Variants in SULT1A2 observed in about 807,000 individuals in gnomAD.
The protein encoded by SULT1A2 is sulfotransferase family 1A member 2.
In SULT1A2, 33 loss-of-function variants were observed where a neutral mutation model predicts 36.0. The observed-to-expected ratio is 0.92, with a 90% CI of 0.69 to 1.22. SULT1A2 has a LOEUF of 1.22. SULT1A2 is among the 50% of genes most tolerant of loss of function. SULT1A2 has a pLI of 0.00. For synonymous variants in SULT1A2, 138 were observed against 144.5 expected, an observed-to-expected ratio of 0.96 and a Z score of 0.32; for missense variants, 367 against 383.2, an observed-to-expected ratio of 0.96 and a Z score of 0.35.
chr16:28,592,956 A>G (rs1385315043), intron 6 of SULT1A2, among the ~76,000 whole-genome samples: 3 of 152,072 alleles, frequency 2.0e-5, no homozygotes, highest in Non-Finnish European at 4.4e-5. Context: ...GGTTACACTG[A>G]GCTGAGATCA....
chr16:28,594,802 CAG>C (rs1273918081), intron 4 of SULT1A2, among the ~76,000 whole-genome samples: 3 of 61,586 alleles, frequency 4.9e-5, no homozygotes, highest in Non-Finnish European at 9.1e-5. Flanking sequence ...TTTTTTGAGA[CAG>C]AGTTTTGCTC....
chr16:28,594,733 G>A (rs2047038237), intron 4 of SULT1A2, among the ~76,000 whole-genome samples: 1 of 146,040 alleles, frequency 6.8e-6, no homozygotes, highest in Non-Finnish European at 1.5e-5. Context: ...TATTACAGGC[G>A]TGAGCCACAA....
rs754117609 is a variant in SULT1A2, at chr16:28,593,299, T to C, written c.547A>G (p.Ser183Gly). ...YQHVQEWWELSRTHPVLYLFY... is the reference protein window; with the variant it reads ...YQHVQEWWELGRTHPVLYLFY... ...AGGTAGAGAACAGGGTGGGTGCGGC[T>C]CAGCTCCCACCACTCTTGCACGTGC... The change falls in exon 6 of 8, where the codon AGC (serine) becomes GGC (glycine). Residue 183 changes from serine to glycine, a missense_variant. Coordinates refer to ENST00000335715, the MANE Select transcript of SULT1A2 (RefSeq NM_001054.4). 6.2e-7 allele frequency: 1 copy of C among 1,614,100 alleles called. No individual in the cohort carries two copies. Among genetic ancestry groups the C allele is most frequent in the South Asian group, 1.1e-5 (1 of 91,080 alleles).
intron 4 of SULT1A2, among the ~76,000 whole-genome samples, chr16:28,594,937 T>C (rs900126501): frequency 4.0e-5 from 6 of 151,096 alleles, no homozygotes; most frequent in East Asian, 1.9e-4. Flanking sequence ...CCTGCCACCA[T>C]GCCCGGCTAA....
At chr16:28,596,053 C>T in intron 1 of SULT1A2, 119 bp from the exon 2 acceptor site, 1 of 1,570,524 alleles carries the variant, frequency 6.4e-7, no homozygotes, top group Non-Finnish European at 8.6e-7. Flanking sequence ...CTTGCCCGCA[C>T]TCACAAGGCC....
intron 4 of SULT1A2, among the ~76,000 whole-genome samples, chr16:28,593,994 TC>T (rs1369243591): frequency 6.6e-6 from 1 of 151,328 alleles, no homozygotes; most frequent in Non-Finnish European, 1.5e-5. Context: ...GAGGCGACTC[TC>T]CCAGAAGAAC....
intron 4 of SULT1A2, 36 bp from the exon 5 acceptor site, chr16:28,593,604 C>T (rs2047024303): frequency 2.5e-6 from 4 of 1,612,726 alleles, no homozygotes; most frequent in African/African-American, 1.3e-5. Flanking sequence ...AGCACCATCA[C>T]CACACAGCCT....
At position 28,595,765 on chromosome 16, in the gene SULT1A2, G is replaced by T. The variant is rs373792875; in HGVS notation, c.148+18C>A. 16 of 1,612,388 alleles carry T rather than the reference G, an allele frequency of 9.9e-6. No individual in the cohort carries two copies. Among genetic ancestry groups the T allele is most frequent in the Non-Finnish European group, 1.2e-5 (14 of 1,178,904 alleles). Reference sequence around the variant, plus strand: ...GGGACTGCCACCTGGGAGAGGGTGGGTGGCCCTCCTCACCTACCGGACTTG... The same window carrying T: ...GGGACTGCCACCTGGGAGAGGGTGGTTGGCCCTCCTCACCTACCGGACTTG... On this transcript the variant is annotated intron_variant, in intron 2 of 7. Coordinates refer to ENST00000335715, the MANE Select transcript of SULT1A2 (RefSeq NM_001054.4).
chr16:28,594,722 G>T (rs1567296489), intron 4 of SULT1A2, among the ~76,000 whole-genome samples: 1 of 143,416 alleles, frequency 7.0e-6, no homozygotes, highest in Non-Finnish European at 1.5e-5. Flanking sequence ...GAAAGTGCTG[G>T]TATTACAGGC....
Position 28,597,026 on chromosome 16 carries a change from C to T in SULT1A2, c.-34G>A. On this transcript the variant is annotated 5_prime_UTR_variant, in exon 1 of 8. Transcript: ENST00000335715. Reference sequence around the variant, plus strand: ...GCTCTTGGGAACCTGGCCTTGTGCCCTCCTCGCCCGCAGTGGCTGAGTGTG... The same window carrying T: ...GCTCTTGGGAACCTGGCCTTGTGCCTTCCTCGCCCGCAGTGGCTGAGTGTG... 7.8e-6 allele frequency: 10 copies of T among 1,282,912 alleles called. No homozygotes were observed. The highest frequency in any genetic ancestry group is 1.0e-5 in the Non-Finnish European group (10 of 983,196). The allele number at this position is 1,282,912 out of a possible 1,614,324, so 79.5% of individuals were successfully genotyped here.
chr16:28,596,426 GC>G (rs2047060833), intron 1 of SULT1A2: 3 of 928,720 alleles, frequency 3.2e-6, no homozygotes, highest in Admixed American at 9.4e-5. Flanking sequence ...TCCTAGGCTG[GC>G]CAGGCCTGTG....
intron 1 of SULT1A2, 62 bp downstream of exon 1, chr16:28,596,935 A>C: frequency 8.9e-7 from 1 of 1,127,608 alleles, no homozygotes; most frequent in Non-Finnish European, 1.1e-6. Flanking sequence ...GGCTTCTGGA[A>C]TGTTGGAGCC....
intron 1 of SULT1A2, 29 bp downstream of exon 1, chr16:28,596,968 G>A (rs1031355566): frequency 1.4e-5 from 18 of 1,243,262 alleles, no homozygotes; most frequent in Admixed American, 7.4e-5. Context: ...GGGTGAGGGC[G>A]TCCTGGGCCA....
At chr16:28,596,672 T>C (rs1345911051) in intron 1 of SULT1A2, 1 of 207,982 alleles carries the variant, frequency 4.8e-6, no homozygotes, top group African/African-American at 2.4e-5. Context: ...TCTAAAAATC[T>C]TTTAAAAATA....
chr16:28,596,752 G>C (rs1429284737), intron 1 of SULT1A2: 3 of 264,754 alleles, frequency 1.1e-5, no homozygotes, highest in Non-Finnish European at 2.2e-5. Flanking sequence ...AGAATCACTT[G>C]AGCCCAGGAA....
Position 28,596,006 on chromosome 16 carries a change from T to C in SULT1A2, c.-4-72A>G, listed in dbSNP as rs982510939. On this transcript the variant is annotated intron_variant, in intron 1 of 7. Coordinates refer to ENST00000335715, the MANE Select transcript of SULT1A2 (RefSeq NM_001054.4). The stretch of plus-strand genomic sequence containing the variant: ...ACAGCAAGAAAGTGGAATTCTTGCT[T>C]TCAGGGAAGTCACTGAGGCCTAGGG... 16 of 1,583,982 alleles carry C rather than the reference T, an allele frequency of 1.0e-5. No homozygotes were observed. The African/African-American group carries it at 2.2e-4, about 21-fold the overall frequency.
intron 6 of SULT1A2, among the ~76,000 whole-genome samples, chr16:28,593,045 C>T (rs1485875503): frequency 1.3e-5 from 2 of 152,058 alleles, no homozygotes; most frequent in East Asian, 3.8e-4. Context: ...GCCACCCGTG[C>T]AGCTGACTCA....
rs150902793 is a variant in SULT1A2, at chr16:28,592,436, T to C, written c.602A>G (p.Lys201Arg). ...LFYEDMKENP[K>R]REIQKILEFV... is the part of the protein sequence containing the mutation. ...CTCCAGGATCTTTTGAATCTCCCTT[T>C]TGGGGTTCTGAGCAGCAGAGGGCTC... The change falls in exon 7 of 8, where the codon AAA becomes AGA. Residue 201 changes from lysine (K) to arginine (R), a missense_variant. Coordinates refer to ENST00000335715, the MANE Select transcript of SULT1A2 (RefSeq NM_001054.4). The C allele has an allele frequency of 8.6e-5, 139 of 1,614,078 alleles. 1 individual carries two copies. In the African/African-American group the frequency reaches 1.4e-3, roughly 16 times the overall value.
In SULT1A2 at chr16:28,592,294, C is replaced by T; in HGVS notation, c.744G>A (p.Met248Ile). The T allele has an allele frequency of 3.1e-6, 5 of 1,613,968 alleles. No homozygotes were observed. The highest frequency in any genetic ancestry group is 4.2e-6 in the Non-Finnish European group (5 of 1,179,866). The stretch of plus-strand genomic sequence containing the variant: ...TCATGAAGGGGGAGATGCTGTGGTC[C>T]ATGAACTCCCGGCGGACGGTGGTGT... ...TNYTTVRREF[M>I]DHSISPFMRK... The change falls in exon 7 of 8, where the codon ATG (methionine) becomes ATA (isoleucine). Residue 248 changes from methionine (M) to isoleucine (I), a missense_variant. By Grantham distance (10) the Met-to-Ile change is conservative. Coordinates refer to ENST00000335715, the MANE Select transcript of SULT1A2 (RefSeq NM_001054.4).
Sources: allele counts gnomAD v4.1 joint callset (sites outside exome capture counted in the v4.1 genomes callset), GRCh38; gene constraint gnomAD v4.1.1; transcripts MANE v1.5; gene names NCBI Gene and HGNC (gene_info 2026-07-23, HGNC 2026-07-21).